RUBCNL: variants seen among roughly 807,000 people sequenced by gnomAD.
The protein encoded by RUBCNL is protein associated with UVRAG as autophagy enhancer.
In RUBCNL, 62 loss-of-function variants were observed where a neutral mutation model predicts 69.5. The observed-to-expected ratio is 0.89, with a 90% confidence interval of 0.73 to 1.10. The LOEUF (loss-of-function observed/expected upper bound fraction) is 1.10, where lower values mean the gene tolerates loss of function less well. Ranked by LOEUF, RUBCNL falls within the 50% of genes least tolerant of loss-of-function variation. RUBCNL has a pLI of 0.00. For missense variants in RUBCNL, 768 were observed against 798.1 expected (o/e 0.96, Z 0.45); for synonymous variants, 291 against 303.6 (o/e 0.96, Z 0.43).
At chr13:46,363,235 G>T in intron 5 of RUBCNL, 22 bp from the exon 6 acceptor site, 1 of 1,358,274 alleles carries the variant, frequency 7.4e-7, no homozygotes, top group Non-Finnish European at 9.8e-7. Context: ...AAGGAAGGAG[G>T]TTTTTACCAA....
intron 10 of RUBCNL, among the ~76,000 whole-genome samples, chr13:46,353,340 T>G (rs1233406782): frequency 2.4e-4 from 37 of 152,244 alleles, no homozygotes; most frequent in Non-Finnish European, 1.5e-5. Flanking sequence ...TGTGAGCTTC[T>G]GGTAGCAACA....
rs1251108901 is a variant in RUBCNL at position 46,341,261 on chromosome 13, A to T, written c.*2124T>A. ...TGGGTAATGGTCTGACCAAGCATTC[A>T]TCTTCTTTCCGGCAGCCAAGGAAGA... On this transcript the variant is annotated 3_prime_UTR_variant, in exon 15 of 15. Transcript: ENST00000429979. 6.6e-6 allele frequency among the ~76,000 whole-genome samples: 1 copy of T among 152,252 alleles called. No individual in the cohort carries two copies. The highest frequency in any genetic ancestry group is 1.5e-5 in the Non-Finnish European group (1 of 68,044).
intron 1 of RUBCNL, among the ~76,000 whole-genome samples, chr13:46,382,665 C>T (rs543977137): frequency 6.6e-6 from 1 of 152,268 alleles, no homozygotes; most frequent in East Asian, 1.9e-4. Flanking sequence ...TCCCAAGTAG[C>T]TGGGATTACA....
At chr13:46,385,155 T>A in intron 1 of RUBCNL, 1 of 353,210 alleles carries the variant, frequency 2.8e-6, no homozygotes, top group Non-Finnish European at 4.0e-6. Flanking sequence ...CGTGTATCAG[T>A]CTGGTACACA....
chr13:46,350,350 C>T lies in RUBCNL; in HGVS notation c.1332G>A (p.Lys444=). 1 of 1,532,548 alleles carries T rather than the reference C, an allele frequency of 6.5e-7. No homozygotes were observed. The highest frequency in any genetic ancestry group is 8.8e-7 in the Non-Finnish European group (1 of 1,133,246). 94.9% of individuals were successfully genotyped at this position (1,532,548 alleles called of 1,614,324 possible). The change falls in exon 11 of 15, where the codon AAG becomes AAA. Residue 444 remains lysine, a splice_region_variant and synonymous_variant. Coordinates refer to ENST00000429979, the MANE Select transcript of RUBCNL (RefSeq NM_025113.5). ...CAGCGTPVEP[K]FVKRLRYCEY... is the part of the protein sequence containing the mutation. ...CGCAGTACCGGAGCCGCTTCACAAA[C>T]TCTGCCAAGCATACCGGAGGGTGAG... is the stretch of plus-strand genomic sequence containing the variant.
In RUBCNL at chr13:46,372,215, G is replaced by A; in HGVS notation, c.261C>T (p.Pro87=). 2 of 1,614,028 alleles carry A rather than the reference G, an allele frequency of 1.2e-6. No individual in the cohort carries two copies. The highest frequency in any genetic ancestry group is 2.2e-5 in the East Asian group (1 of 44,890). The part of the protein sequence containing the change: ...GTHFVTDAAS[P]SGPSPSCLGD... ...CGAGGCACGAAGGTGAAGGGCCTGA[G>A]GGAGAGGCAGCATCTGTCACAAAAT... Residue 87 remains proline, a synonymous_variant, in exon 3 of 15, where the codon CCC becomes CCT. Coordinates refer to ENST00000429979, the MANE Select transcript of RUBCNL (RefSeq NM_025113.5).
At chr13:46,363,891 C>A (rs1346067625) in intron 5 of RUBCNL, among the ~76,000 whole-genome samples, 1 of 149,360 alleles carries the variant, frequency 6.7e-6, no homozygotes, top group Non-Finnish European at 1.5e-5. Flanking sequence ...ACTATAGCAA[C>A]ATGATTATTA....
chr13:46,387,424 C>T (rs1015125707), upstream of RUBCNL: 23 of 985,398 alleles, frequency 2.3e-5, no homozygotes, highest in African/African-American at 4.0e-4. Flanking sequence ...GAGATGCGCG[C>T]TCCTACACCG....
At chr13:46,382,988 T>C (rs900361013) in intron 1 of RUBCNL, among the ~76,000 whole-genome samples, 3 of 152,246 alleles carry the variant, frequency 2.0e-5, no homozygotes, top group African/African-American at 7.2e-5. Context: ...AAATAACTGA[T>C]AGAATGTCAG....
intron 2 of RUBCNL, chr13:46,374,310 C>T (rs1295658516): frequency 6.6e-6 from 1 of 152,318 alleles, no homozygotes; most frequent in Non-Finnish European, 1.5e-5. Flanking sequence ...AACTCCTGAC[C>T]TTGTGATCCA....
intron 14 of RUBCNL, 78 bp from the exon 15 acceptor site, chr13:46,343,575 T>G: frequency 7.0e-7 from 1 of 1,423,944 alleles, no homozygotes; most frequent in Non-Finnish European, 9.6e-7. Context: ...GTCTCCATCC[T>G]AGGGAGGGAG....
chr13:46,372,370 C>T lies in RUBCNL; in HGVS notation c.106G>A (p.Asp36Asn), dbSNP rs2048897933. The T allele has an allele frequency of 6.2e-7, 1 of 1,613,882 alleles. No homozygotes were observed. The highest frequency in any genetic ancestry group is 1.3e-5 in the African/African-American group (1 of 74,926). ...ATGTCTAATTGGCAAGGAGGATGGT[C>T]AGTGTTCAGGAGTCTGGGCGAACCA... Reference protein sequence around the residue: ...IDGSPRLLNTDHPPCQLDIRL... With the variant: ...IDGSPRLLNTNHPPCQLDIRL... The change falls in exon 3 of 15, where the codon GAC (aspartate) becomes AAC (asparagine). Residue 36 changes from aspartate to asparagine, a missense_variant. Coordinates refer to ENST00000429979, the MANE Select transcript of RUBCNL (RefSeq NM_025113.5).
At chr13:46,369,923 G>A (rs764590666) in intron 3 of RUBCNL, among the ~76,000 whole-genome samples, 2 of 152,178 alleles carry the variant, frequency 1.3e-5, no homozygotes, top group Non-Finnish European at 2.9e-5. Flanking sequence ...GCTATGGCTG[G>A]CAAACTTTTC....
rs766103207 is a variant in RUBCNL, at chr13:46,372,117, G to A, written c.359C>T (p.Ser120Leu). 1.4e-5 allele frequency: 23 copies of A among 1,613,806 alleles called. No individual in the cohort carries two copies. In the South Asian group the frequency reaches 1.8e-4, roughly 12 times the overall value. Residue 120 changes from serine (S) to leucine (L), a missense_variant, in exon 3 of 15, where the codon TCG becomes TTG. Coordinates refer to ENST00000429979, the MANE Select transcript of RUBCNL (RefSeq NM_025113.5). Reference protein sequence around the residue: ...DSVGSASPHGSSEKSSSFSLS... With the variant: ...DSVGSASPHGLSEKSSSFSLS... ...AGAGAAGCTGCTACTCTTTTCACTC[G>A]AGCCATGGGGAGAAGCGCTGCCAAC...
intron 3 of RUBCNL, among the ~76,000 whole-genome samples, 154 bp from the exon 4 acceptor site, chr13:46,368,969 C>T (rs866954945): frequency 3.3e-5 from 5 of 152,128 alleles, no homozygotes; most frequent in African/African-American, 7.2e-5. Context: ...AAGATCTTTC[C>T]GATGGCAGGT....
chr13:46,345,844 A>G (rs961808685), intron 12 of RUBCNL, among the ~76,000 whole-genome samples: 1 of 152,210 alleles, frequency 6.6e-6, no homozygotes, highest in Non-Finnish European at 1.5e-5. Flanking sequence ...ATAAGCAGAG[A>G]CCTGTATCTC....
At chr13:46,359,350 C>A in intron 9 of RUBCNL, 136 bp downstream of exon 9, 2 of 634,810 alleles carry the variant, frequency 3.2e-6, no homozygotes, top group Non-Finnish European at 2.3e-6. Context: ...ATACAGCCAA[C>A]TTTCCTTTCC....
At chr13:46,350,480 T>C (rs930571150) in intron 10 of RUBCNL, 129 bp from the exon 11 acceptor site, 4 of 677,438 alleles carry the variant, frequency 5.9e-6, no homozygotes, top group Non-Finnish European at 9.9e-6. Context: ...AAAGCCATAC[T>C]CAACCTCATG....
chr13:46,345,625 A>C, intron 12 of RUBCNL, 25 bp from the exon 13 acceptor site: 1 of 1,611,548 alleles, frequency 6.2e-7, no homozygotes, highest in Non-Finnish European at 8.5e-7. Context: ...ACAAAGAGGA[A>C]TTCAGAAACC....
Sources: gnomAD v4.1 joint callset for allele counts (sites outside exome capture counted in the v4.1 genomes callset) on GRCh38, gnomAD v4.1.1 for gene constraint, MANE v1.5 for transcripts, NCBI Gene and HGNC (gene_info 2026-07-23, HGNC 2026-07-21) for gene names.